The following PPFIA2 variants were observed in gnomAD, a reference collection of about 807,000 sequenced individuals.
PPFIA2 encodes PPFI scaffold protein A2, also known as liprin-alpha-2.
In PPFIA2, 46 loss-of-function variants were observed where a neutral mutation model predicts 175.5. The ratio of observed to expected loss-of-function variants is 0.26; its 90% confidence interval spans 0.21 to 0.34. PPFIA2 has a LOEUF of 0.34. Ranked by LOEUF, PPFIA2 falls within the 10% of genes least tolerant of loss-of-function variation. PPFIA2 has a pLI of 1.00. For synonymous variants in PPFIA2, 568 were observed against 511.4 expected (o/e 1.11, Z -1.49); for missense variants, 1,179 against 1,506.1 (o/e 0.78, Z 3.60).
At chr12:81,520,146 T>A (rs1039322448) in intron 4 of PPFIA2, among the ~76,000 whole-genome samples, 1 of 152,176 alleles carries the variant, frequency 6.6e-6, no homozygotes, top group East Asian at 1.9e-4. Flanking sequence ...TCTGACAATA[T>A]GTCAGAAGAA....
At chr12:81,645,088 A>C (rs1421942402) in intron 4 of PPFIA2, among the ~76,000 whole-genome samples, 1 of 152,046 alleles carries the variant, frequency 6.6e-6, no homozygotes, top group African/African-American at 2.4e-5. Context: ...TTCTAATATT[A>C]AACTAAGTAC....
chr12:81,331,058 T>G (rs2056020284), intron 21 of PPFIA2, among the ~76,000 whole-genome samples: 1 of 152,192 alleles, frequency 6.6e-6, no homozygotes, highest in African/African-American at 2.4e-5. Context: ...ACAATCTAAG[T>G]TTTGGCGTAA....
intron 4 of PPFIA2, among the ~76,000 whole-genome samples, chr12:81,576,299 G>A (rs1697285261): frequency 6.6e-6 from 1 of 151,794 alleles, no homozygotes; most frequent in South Asian, 2.1e-4. Flanking sequence ...GCCAGATGGA[G>A]TGAGGAAGGG....
At chr12:81,707,820 C>T (rs1165191974) in intron 3 of PPFIA2, among the ~76,000 whole-genome samples, 4 of 150,822 alleles carry the variant, frequency 2.7e-5, no homozygotes, top group Non-Finnish European at 5.9e-5. Flanking sequence ...GGCACATATA[C>T]ACCATGGAAT....
At chr12:81,424,115 C>T (rs1286683982) in intron 7 of PPFIA2, among the ~76,000 whole-genome samples, 2 of 151,884 alleles carry the variant, frequency 1.3e-5, no homozygotes, top group African/African-American at 4.8e-5. Flanking sequence ...TTTTAATTTT[C>T]ATAACATTAT....
chr12:81,674,644 C>A (rs2072107986), intron 4 of PPFIA2, among the ~76,000 whole-genome samples: 1 of 151,962 alleles, frequency 6.6e-6, no homozygotes, highest in South Asian at 2.1e-4. Flanking sequence ...ATCTGGGTGA[C>A]AGACAGAACA....
intron 4 of PPFIA2, among the ~76,000 whole-genome samples, chr12:81,506,677 C>T (rs1228441604): frequency 1.3e-5 from 2 of 152,118 alleles, no homozygotes; most frequent in Non-Finnish European, 2.9e-5. Context: ...TATTATGTAA[C>T]CAGGATGGTC....
At chr12:81,515,303 G>A (rs1360225739) in intron 4 of PPFIA2, among the ~76,000 whole-genome samples, 1 of 151,816 alleles carries the variant, frequency 6.6e-6, no homozygotes, top group Non-Finnish European at 1.5e-5. Context: ...CTTTCCTGTA[G>A]GATAGAAAGC....
intron 14 of PPFIA2, among the ~76,000 whole-genome samples, chr12:81,364,867 A>T (rs1272683079): frequency 1.3e-5 from 2 of 151,842 alleles, no homozygotes; most frequent in Non-Finnish European, 2.9e-5. Context: ...AGTAACTGAA[A>T]GAAAGAAAGA....
chr12:81,641,662 C>T (rs887544339), intron 4 of PPFIA2, among the ~76,000 whole-genome samples: 6 of 152,136 alleles, frequency 3.9e-5, no homozygotes, highest in African/African-American at 1.4e-4. Flanking sequence ...CAGCCAGGTT[C>T]CTTGATCTGA....
intron 4 of PPFIA2, among the ~76,000 whole-genome samples, chr12:81,489,695 A>G (rs1183778985): frequency 6.6e-6 from 1 of 151,946 alleles, no homozygotes; most frequent in Admixed American, 6.6e-5. Flanking sequence ...ATCAAGTATA[A>G]TCTTAGCCAG....
intron 4 of PPFIA2, among the ~76,000 whole-genome samples, chr12:81,592,548 T>C (rs1217804616): frequency 6.6e-6 from 1 of 152,142 alleles, no homozygotes; most frequent in Non-Finnish European, 1.5e-5. Context: ...CTTTCCTTTA[T>C]TATTCTCATG....
chr12:81,662,791 C>T (rs944380508), intron 4 of PPFIA2, among the ~76,000 whole-genome samples: 1 of 152,104 alleles, frequency 6.6e-6, no homozygotes, highest in African/African-American at 2.4e-5. Context: ...AATCTCAATG[C>T]AAAAATCCTC....
chr12:81,647,865 A>G (rs1285018208), intron 4 of PPFIA2, among the ~76,000 whole-genome samples: 1 of 142,368 alleles, frequency 7.0e-6, no homozygotes, highest in Non-Finnish European at 1.5e-5. Flanking sequence ...CATATATAAT[A>G]TAATATATAT....
At chr12:81,503,336 AC>A (rs1338843098) in intron 4 of PPFIA2, among the ~76,000 whole-genome samples, 5 of 152,242 alleles carry the variant, frequency 3.3e-5, no homozygotes, top group South Asian at 2.1e-4. Flanking sequence ...GTCCAAAAAA[AC>A]AAAACAAAAA....
chr12:81,637,568 T>G (rs1289083592), intron 4 of PPFIA2, among the ~76,000 whole-genome samples: 4 of 152,104 alleles, frequency 2.6e-5, no homozygotes, highest in African/African-American at 9.7e-5. Flanking sequence ...CTTTCAGAAC[T>G]TACAGCATTG....
intron 28 of PPFIA2, among the ~76,000 whole-genome samples, chr12:81,275,715 T>A (rs2040331034): frequency 6.6e-6 from 1 of 152,004 alleles, no homozygotes; most frequent in African/African-American, 2.4e-5. Flanking sequence ...ATACAACTAA[T>A]AAGTATTTTA....
At chr12:81,347,041 T>A (rs2059186484) in intron 18 of PPFIA2, among the ~76,000 whole-genome samples, 1 of 152,170 alleles carries the variant, frequency 6.6e-6, no homozygotes, top group African/African-American at 2.4e-5. Context: ...GGAATCCTGC[T>A]GCCTCAGTAT....
chr12:81,457,740 T>C (rs2053839460), intron 5 of PPFIA2, 25 bp downstream of exon 5: 1 of 1,447,830 alleles, frequency 6.9e-7, no homozygotes, highest in Non-Finnish European at 9.5e-7. Context: ...TAGAATTAAT[T>C]CCAAAAAGGC....
Sources: gnomAD v4.1 joint callset for allele counts (sites outside exome capture counted in the v4.1 genomes callset) on GRCh38, gnomAD v4.1.1 for gene constraint, MANE v1.5 for transcripts, NCBI Gene and HGNC (gene_info 2026-07-23, HGNC 2026-07-21) for gene names.